DNAJC6: variants seen among roughly 807,000 people sequenced by gnomAD.
DNAJC6 encodes the protein auxilin.
DNAJC6 carries 34 observed loss-of-function variants against 110.0 expected under a neutral mutation model. The observed-to-expected ratio is 0.31, with a 90% CI of 0.24 to 0.41. The LOEUF (loss-of-function observed/expected upper bound fraction) is 0.41. DNAJC6 is among the 10% of genes least tolerant of loss of function. DNAJC6 has a pLI of 1.00. For missense variants in DNAJC6, 1,031 were observed against 1,207.8 expected (o/e 0.85, Z 2.17); for synonymous variants, 406 against 437.2 (o/e 0.93, Z 0.89).
At chr1:65,358,834 T>G (rs1457885701) in intron 1 of DNAJC6, among the ~76,000 whole-genome samples, 1 of 152,220 alleles carries the variant, frequency 6.6e-6, no homozygotes, top group East Asian at 1.9e-4. Context: ...ACGTCTCTTT[T>G]TGGTAAGTTT....
chr1:65,397,879 G>T (rs1411035639), intron 13 of DNAJC6, among the ~76,000 whole-genome samples: 1 of 152,118 alleles, frequency 6.6e-6, no homozygotes, highest in Non-Finnish European at 1.5e-5. Flanking sequence ...GGAAATAAAA[G>T]GTTTGGAATG....
At chr1:65,312,801 A>C (rs997660516) in intron 1 of DNAJC6, among the ~76,000 whole-genome samples, 8 of 152,072 alleles carry the variant, frequency 5.3e-5, no homozygotes, top group African/African-American at 1.9e-4. Context: ...AAAACCTAGT[A>C]ACCTTTTTCT....
chr1:65,290,549 A>C (rs1644861318), intron 1 of DNAJC6, among the ~76,000 whole-genome samples: 2 of 152,226 alleles, frequency 1.3e-5, no homozygotes, highest in Non-Finnish European at 2.9e-5. Flanking sequence ...AAAAACACTT[A>C]AACACTTAAA....
intron 17 of DNAJC6, 41 bp downstream of exon 17, chr1:65,408,824 C>A (rs1199939695): frequency 6.2e-7 from 1 of 1,600,086 alleles, no homozygotes; most frequent in African/African-American, 1.4e-5. Context: ...TCCTATATGA[C>A]AAAGTCATGT....
chr1:65,307,267 C>T, upstream of DNAJC6, among the ~76,000 whole-genome samples: 1 of 151,706 alleles, frequency 6.6e-6, no homozygotes, highest in Non-Finnish European at 1.5e-5. Context: ...CCTTAATATG[C>T]TTCTTATATC....
At chr1:65,362,814 G>A (rs1325112966) in intron 1 of DNAJC6, among the ~76,000 whole-genome samples, 1 of 152,196 alleles carries the variant, frequency 6.6e-6, no homozygotes, top group African/African-American at 2.4e-5. Context: ...CTTCCTTCCT[G>A]TATCAGCCTG....
intron 4 of DNAJC6, among the ~76,000 whole-genome samples, chr1:65,378,793 T>C (rs900320718): frequency 4.6e-5 from 7 of 152,230 alleles, no homozygotes; most frequent in African/African-American, 1.7e-4. Flanking sequence ...TATTAATACC[T>C]GTCTTAGATG....
At chr1:65,406,188 C>G in intron 16 of DNAJC6, 55 bp downstream of exon 16, 2 of 1,568,268 alleles carry the variant, frequency 1.3e-6, no homozygotes, top group South Asian at 1.2e-5. Flanking sequence ...TGTTGTCATA[C>G]TGCCTGAATG....
intron 1 of DNAJC6, among the ~76,000 whole-genome samples, chr1:65,292,144 G>T (rs1255887442): frequency 6.6e-6 from 1 of 152,016 alleles, no homozygotes; most frequent in African/African-American, 2.4e-5. Context: ...AGCCTCCCGA[G>T]TAGCTGGGAT....
intron 1 of DNAJC6, chr1:65,345,567 G>A (rs1284751192): frequency 4.2e-6 from 3 of 710,480 alleles, no homozygotes; most frequent in South Asian, 6.4e-5. Flanking sequence ...ATCACAACAC[G>A]CTAGTACTAA....
rs1419158884 is a variant in DNAJC6, at chr1:65,412,863, A to G, written c.2812-61A>G. On this transcript the variant is annotated intron_variant, in intron 18 of 18. Coordinates refer to ENST00000371069, the MANE Select transcript of DNAJC6 (RefSeq NM_001256864.2). ...AGAGCCCATATATTGGCAGTGAAAA[A>G]TTTAATATTAATGAAATTTTGGTCT... 3 of 1,404,546 alleles carry G rather than the reference A, an allele frequency of 2.1e-6. No homozygotes were observed. In the African/African-American group the frequency reaches 4.3e-5, roughly 20 times the overall value. The allele number at this position is 1,404,546 out of a possible 1,614,324, so 87.0% of individuals were successfully genotyped here.
At chr1:65,361,414 T>C (rs1252991119) in intron 1 of DNAJC6, among the ~76,000 whole-genome samples, 1 of 152,184 alleles carries the variant, frequency 6.6e-6, no homozygotes, top group Non-Finnish European at 1.5e-5. Flanking sequence ...AAGATCAGGA[T>C]GGAAGAACAT....
chr1:65,294,545 T>TA (rs1644911467), intron 1 of DNAJC6, among the ~76,000 whole-genome samples: 1 of 152,318 alleles, frequency 6.6e-6, no homozygotes. Context: ...CCACTGGCTA[T>TA]AAGTGGCTAT....
At chr1:65,269,352 A>G (rs1292340419) in intron 1 of DNAJC6, among the ~76,000 whole-genome samples, 7 of 150,916 alleles carry the variant, frequency 4.6e-5, no homozygotes, top group Non-Finnish European at 5.9e-5. Flanking sequence ...TGGGTGACAG[A>G]GTGAGACCCT....
In DNAJC6 at chr1:65,329,814, G is replaced by A. The variant is rs566123864; in HGVS notation, c.193+19876G>A. Among the ~76,000 whole-genome samples the A allele has an allele frequency of 1.8e-4, 27 of 152,220 alleles. No individual in the cohort carries two copies. In the South Asian group the frequency reaches 5.2e-3, roughly 29 times the overall value. Reference sequence around the variant, plus strand: ...GTTAGGTAGCTCTGGACTTTGGAAGGCAGCCATTCTATTGCTGGACAAGAA... The same window carrying A: ...GTTAGGTAGCTCTGGACTTTGGAAGACAGCCATTCTATTGCTGGACAAGAA... On this transcript the variant is annotated intron_variant, in intron 1 of 18. Coordinates refer to ENST00000371069, the MANE Select transcript of DNAJC6 (RefSeq NM_001256864.2).
chr1:65,302,123 T>TAA (rs59460132), intron 1 of DNAJC6, among the ~76,000 whole-genome samples: 9 of 15,026 alleles, frequency 6.0e-4, no homozygotes, highest in Admixed American at 1.8e-3. Flanking sequence ...TATATATATA[T>TAA]AAAAAATATA....
intron 1 of DNAJC6, among the ~76,000 whole-genome samples, chr1:65,321,555 A>G (rs1461235179): frequency 6.6e-6 from 1 of 152,112 alleles, no homozygotes; most frequent in African/African-American, 2.4e-5. Flanking sequence ...TCACAGCAAA[A>G]TTGAGAGGAA....
At chr1:65,399,544 C>T (rs1400612296) in intron 14 of DNAJC6, among the ~76,000 whole-genome samples, 2 of 152,144 alleles carry the variant, frequency 1.3e-5, no homozygotes, top group Non-Finnish European at 2.9e-5. Flanking sequence ...CAACCCCTTC[C>T]CCACAACGTA....
chr1:65,324,691 A>G (rs1378514917), intron 1 of DNAJC6, among the ~76,000 whole-genome samples: 4 of 152,170 alleles, frequency 2.6e-5, no homozygotes, highest in Non-Finnish European at 5.9e-5. Flanking sequence ...TTTGTTTAAA[A>G]GCTAGTTCAT....
Sources: gnomAD v4.1 joint callset for allele counts (sites outside exome capture counted in the v4.1 genomes callset) on GRCh38, gnomAD v4.1.1 for gene constraint, MANE v1.5 for transcripts, NCBI Gene and HGNC (gene_info 2026-07-23, HGNC 2026-07-21) for gene names.